SNX29: variants seen among roughly 807,000 people sequenced by gnomAD.
SNX29 encodes the protein sorting nexin 29.
SNX29 carries 78 observed loss-of-function variants against 102.1 expected under a neutral mutation model. That is an observed-to-expected ratio of 0.76 (90% CI 0.64 to 0.92). The LOEUF (loss-of-function observed/expected upper bound fraction) is 0.92, where lower values mean the gene tolerates loss of function less well. Among genes scored for constraint, SNX29 ranks in the 40% least tolerant of loss-of-function variants. The probability of loss-of-function intolerance (pLI) is 0.00; values close to 1 mark genes in which losing one functional copy is unlikely to be tolerated. For synonymous variants in SNX29, 580 were observed against 414.5 expected, an observed-to-expected ratio of 1.40 and a Z score of -4.85; for missense variants, 1,280 against 1,061.7, an observed-to-expected ratio of 1.21 and a Z score of -2.86.
At position 12,566,979 on chromosome 16, in the gene SNX29, C is replaced by T. The variant is rs143727360; in HGVS notation, c.2319-1527C>T. 6.2e-4 allele frequency among the ~76,000 whole-genome samples: 94 copies of T among 152,344 alleles called. 1 individual carries two copies. The highest frequency in any genetic ancestry group is 2.1e-3 in the African/African-American group (89 of 41,578). ...ACGAGGGATCTCACTCGCACAGTGG[C>T]CATGTCCCTGGAAAGGTGCAACGCA... is the stretch of plus-strand genomic sequence containing the variant. On this transcript the variant is annotated intron_variant, in intron 20 of 20. Coordinates refer to ENST00000566228, the MANE Select transcript of SNX29 (RefSeq NM_032167.5).
intron 13 of SNX29, among the ~76,000 whole-genome samples, chr16:12,151,855 C>T (rs756853666): frequency 6.6e-6 from 1 of 152,198 alleles, no homozygotes. Flanking sequence ...CCTGCCTCAG[C>T]CTCCTGTGTA....
rs576806168 is a variant in SNX29, at chr16:12,286,169, A to T, written c.1782+8133A>T. Among the ~76,000 whole-genome samples the T allele has an allele frequency of 2.4e-3, 363 of 150,908 alleles. 1 individual carries two copies. Among genetic ancestry groups the T allele is most frequent in the African/African-American group, 8.1e-3 (333 of 41,044 alleles). ...GTTTGTTTTTTTTTTTAATCACATG[A>T]AGCTGAGTGGATTGAGACCAGGCTC... On this transcript the variant is annotated intron_variant, in intron 15 of 20. Transcript: ENST00000566228.
intron 16 of SNX29, among the ~76,000 whole-genome samples, chr16:12,390,342 G>A (rs372302793): frequency 7.9e-5 from 12 of 152,234 alleles, no homozygotes; most frequent in East Asian, 5.8e-4. Context: ...CCAAAGCCGT[G>A]CTCATCTCCC....
At chr16:12,542,080 T>C (rs1428743129) in intron 20 of SNX29, among the ~76,000 whole-genome samples, 1 of 152,120 alleles carries the variant, frequency 6.6e-6, no homozygotes, top group Non-Finnish European at 1.5e-5. Flanking sequence ...TTAGTCCAAA[T>C]CCTGCAATAT....
intron 20 of SNX29, chr16:12,527,165 G>T (rs1282821549): frequency 1.9e-6 from 1 of 519,712 alleles, no homozygotes; most frequent in East Asian, 4.0e-5. Flanking sequence ...CTTCCTTTTT[G>T]AGCAGGATGG....
At chr16:12,262,811 T>A (rs576343603) in intron 14 of SNX29, among the ~76,000 whole-genome samples, 11 of 152,354 alleles carry the variant, frequency 7.2e-5, no homozygotes, top group African/African-American at 2.4e-4. Context: ...TATAATTCAT[T>A]GGTTTTCCGT....
intron 13 of SNX29, among the ~76,000 whole-genome samples, chr16:12,194,357 C>T (rs1367165205): frequency 2.6e-5 from 4 of 152,120 alleles, no homozygotes; most frequent in South Asian, 4.1e-4. Context: ...TTGAAAAACT[C>T]GGTTATTCTG....
intron 18 of SNX29, among the ~76,000 whole-genome samples, chr16:12,417,654 C>G (rs113781573): frequency 4.7e-4 from 72 of 151,900 alleles, no homozygotes; most frequent in African/African-American, 1.7e-3. Flanking sequence ...TGTCATTTCC[C>G]TCTTCCCTTC....
intron 9 of SNX29, among the ~76,000 whole-genome samples, chr16:12,064,004 A>T (rs534623694): frequency 2.0e-5 from 3 of 152,092 alleles, no homozygotes; most frequent in African/African-American, 7.2e-5. Context: ...GGATGTGTCT[A>T]GGACCCCTGG....
chr16:12,333,343 G>A (rs1024097631), intron 15 of SNX29, among the ~76,000 whole-genome samples: 3 of 151,896 alleles, frequency 2.0e-5, no homozygotes, highest in African/African-American at 4.8e-5. Flanking sequence ...CTGACCTCGT[G>A]ATCTGCCTGC....
intron 10 of SNX29, among the ~76,000 whole-genome samples, chr16:12,074,250 G>GC (rs2051437738): frequency 6.6e-6 from 1 of 151,910 alleles, no homozygotes; most frequent in Non-Finnish European, 1.5e-5. Context: ...AGTTGATGCA[G>GC]TTTCTTTCTA....
At chr16:12,542,377 C>G (rs769870347) in intron 20 of SNX29, among the ~76,000 whole-genome samples, 1 of 152,204 alleles carries the variant, frequency 6.6e-6, no homozygotes, top group Non-Finnish European at 1.5e-5. Context: ...GTTCTATCAC[C>G]CAGGGTGGAG....
At chr16:12,245,449 G>T (rs890126476) in intron 14 of SNX29, among the ~76,000 whole-genome samples, 2 of 151,028 alleles carry the variant, frequency 1.3e-5, no homozygotes, top group Admixed American at 1.3e-4. Flanking sequence ...CATGTCATCT[G>T]CTTGGGTTTT....
chr16:11,986,265 C>T (rs1391477103), intron 1 of SNX29, among the ~76,000 whole-genome samples: 1 of 151,652 alleles, frequency 6.6e-6, no homozygotes, highest in East Asian at 1.9e-4. Context: ...TTCCTCTGCT[C>T]ACCCAGGCAG....
At chr16:12,330,457 G>A (rs1305836999) in intron 15 of SNX29, among the ~76,000 whole-genome samples, 2 of 152,136 alleles carry the variant, frequency 1.3e-5, no homozygotes, top group South Asian at 2.1e-4. Context: ...GGGCTTGACG[G>A]TCATAAGTAA....
In SNX29 at chr16:12,571,030, C is replaced by G. The variant is rs1374139831; in HGVS notation, c.*2401C>G. 4.3e-6 allele frequency: 1 copy of G among 232,728 alleles called. No individual in the cohort carries two copies. Among genetic ancestry groups the G allele is most frequent in the African/African-American group, 2.2e-5 (1 of 45,308 alleles). 14.4% of individuals were successfully genotyped at this position (232,728 alleles called of 1,614,324 possible). A position where few individuals can be genotyped will look rare whatever the true frequency, so the allele number is the denominator to read the frequency against. On this transcript the variant is annotated 3_prime_UTR_variant, in exon 21 of 21. Coordinates refer to ENST00000566228, the MANE Select transcript of SNX29 (RefSeq NM_032167.5). ...AGTCGAGTCATCTCGCAGATCCAGACCATCTCCTCTCATTCTCACTCTAAA... is the reference window on the plus strand; with the variant it reads ...AGTCGAGTCATCTCGCAGATCCAGAGCATCTCCTCTCATTCTCACTCTAAA...
chr16:11,994,200 G>C (rs2055968916), intron 1 of SNX29, among the ~76,000 whole-genome samples: 1 of 152,230 alleles, frequency 6.6e-6, no homozygotes, highest in Admixed American at 6.5e-5. Context: ...AGGATTCTGA[G>C]TAGAGTTAGG....
chr16:12,312,025 C>T (rs1448015067), intron 15 of SNX29, among the ~76,000 whole-genome samples: 2 of 152,158 alleles, frequency 1.3e-5, no homozygotes, highest in Non-Finnish European at 2.9e-5. Flanking sequence ...AGAAGTTGCT[C>T]ACATCACTAA....
chr16:12,007,397 C>T (rs998035831), intron 3 of SNX29, among the ~76,000 whole-genome samples: 19 of 151,852 alleles, frequency 1.3e-4, no homozygotes, highest in Non-Finnish European at 2.6e-4. Flanking sequence ...CCCAGCTACT[C>T]GGGAGGCTGA....
Sources: allele counts gnomAD v4.1 joint callset (sites outside exome capture counted in the v4.1 genomes callset), GRCh38; gene constraint gnomAD v4.1.1; transcripts MANE v1.5; gene names NCBI Gene and HGNC (gene_info 2026-07-23, HGNC 2026-07-21).